CNTNAP4: variants seen among roughly 807,000 people sequenced by gnomAD.
CNTNAP4 encodes the protein contactin associated protein family member 4.
Under a neutral mutation model 148.4 loss-of-function variants are expected in CNTNAP4, and 98 were observed. The observed-to-expected ratio is 0.66, with a 90% CI of 0.56 to 0.78. The LOEUF (loss-of-function observed/expected upper bound fraction) is 0.78, where lower values mean the gene tolerates loss of function less well. CNTNAP4 is among the 30% of genes least tolerant of loss of function. CNTNAP4 has a pLI of 0.00. For missense variants in CNTNAP4, 1,935 were observed against 1,565.6 expected (o/e 1.24, Z -3.98); for synonymous variants, 730 against 565.1 (o/e 1.29, Z -4.14).
intron 9 of CNTNAP4, among the ~76,000 whole-genome samples, chr16:76,466,513 C>T (rs146312449): frequency 1.3e-5 from 2 of 151,972 alleles, no homozygotes; most frequent in African/African-American, 2.4e-5. Flanking sequence ...TCTCATATAC[C>T]CACATATACA....
chr16:76,546,151 A>T (rs1194400887), intron 21 of CNTNAP4, among the ~76,000 whole-genome samples: 3 of 152,238 alleles, frequency 2.0e-5, no homozygotes, highest in African/African-American at 7.2e-5. Flanking sequence ...CATCCATGTA[A>T]GGAAGAGAAA....
intron 4 of CNTNAP4, among the ~76,000 whole-genome samples, chr16:76,430,251 G>T (rs2079560818): frequency 6.6e-6 from 1 of 152,190 alleles, no homozygotes; most frequent in African/African-American, 2.4e-5. Flanking sequence ...TCCTAGTAAT[G>T]TAGGGAAGCA....
intron 2 of CNTNAP4, among the ~76,000 whole-genome samples, chr16:76,335,715 G>C (rs766488600): frequency 2.0e-5 from 3 of 152,176 alleles, no homozygotes; most frequent in Non-Finnish European, 4.4e-5. Context: ...TCATTCTGTT[G>C]CTGCCATGTG....
intron 3 of CNTNAP4, among the ~76,000 whole-genome samples, chr16:76,414,908 T>A (rs1293927922): frequency 1.3e-5 from 2 of 151,294 alleles, no homozygotes; most frequent in African/African-American, 4.8e-5. Flanking sequence ...CCCAGATCAA[T>A]CCTAACTAGG....
In CNTNAP4 at chr16:76,549,974, G is replaced by A. The variant is rs1044821784; in HGVS notation, c.3443-3309G>A. Among the ~76,000 whole-genome samples the A allele has an allele frequency of 1.3e-5, 2 of 152,190 alleles. 1 individual carries two copies. Among genetic ancestry groups the A allele is most frequent in the African/African-American group, 4.8e-5 (2 of 41,442 alleles). ...ATTGAAAGGGCTTATCATGTTCTAT[G>A]CAGAATACTGAGATAAGATACACAC... On this transcript the variant is annotated intron_variant, in intron 21 of 23. Transcript: ENST00000611870.
chr16:76,362,320 A>G (rs905813617), intron 3 of CNTNAP4, among the ~76,000 whole-genome samples: 2 of 152,208 alleles, frequency 1.3e-5, no homozygotes, highest in African/African-American at 2.4e-5. Flanking sequence ...TGAAATGTCT[A>G]TACTACTCAA....
At chr16:76,398,767 A>G (rs2078299789) in intron 3 of CNTNAP4, among the ~76,000 whole-genome samples, 1 of 152,104 alleles carries the variant, frequency 6.6e-6, no homozygotes, top group Non-Finnish European at 1.5e-5. Context: ...ACAAAGCGAT[A>G]TATTTTTTAT....
At chr16:76,461,453 G>A (rs1012454629) in intron 8 of CNTNAP4, among the ~76,000 whole-genome samples, 3 of 152,034 alleles carry the variant, frequency 2.0e-5, no homozygotes, top group African/African-American at 7.2e-5. Context: ...CATATACATG[G>A]CTTTTCACGG....
chr16:76,512,272 T>C (rs552372399), intron 15 of CNTNAP4, among the ~76,000 whole-genome samples: 2 of 152,236 alleles, frequency 1.3e-5, no homozygotes, highest in South Asian at 2.1e-4. Context: ...ACGAGTGATA[T>C]GATCTAACTC....
At chr16:76,491,068 A>G (rs538930826) in intron 13 of CNTNAP4, among the ~76,000 whole-genome samples, 30 of 152,230 alleles carry the variant, frequency 2.0e-4, no homozygotes, top group Non-Finnish European at 3.2e-4. Flanking sequence ...GTCTCTCTCT[A>G]TTTATTCTCC....
intron 3 of CNTNAP4, among the ~76,000 whole-genome samples, chr16:76,363,697 C>T (rs151221543): frequency 1.6e-3 from 247 of 152,264 alleles, no homozygotes; most frequent in Middle Eastern, 0.01. Context: ...AGTGAACAGG[C>T]ATCCTAAAGA....
intron 8 of CNTNAP4, among the ~76,000 whole-genome samples, chr16:76,455,899 C>G (rs1419301842): frequency 6.6e-6 from 1 of 152,152 alleles, no homozygotes; most frequent in African/African-American, 2.4e-5. Flanking sequence ...CAATTTAGGA[C>G]TGGAACTAGA....
intron 3 of CNTNAP4, among the ~76,000 whole-genome samples, chr16:76,407,573 G>A (rs1353532617): frequency 6.6e-6 from 1 of 152,050 alleles, no homozygotes; most frequent in African/African-American, 2.4e-5. Context: ...CTGCGGATGT[G>A]GTGAAAATAG....
intron 4 of CNTNAP4, among the ~76,000 whole-genome samples, chr16:76,429,349 C>T (rs917929693): frequency 5.3e-5 from 8 of 152,172 alleles, no homozygotes; most frequent in African/African-American, 1.9e-4. Flanking sequence ...CAGTTATATT[C>T]TCCACTTATT....
intron 3 of CNTNAP4, among the ~76,000 whole-genome samples, chr16:76,358,984 C>G (rs773371913): frequency 7.9e-5 from 12 of 152,120 alleles, no homozygotes; most frequent in Non-Finnish European, 1.6e-4. Context: ...CTAAAGGAAG[C>G]TCTCTGTGAA....
intron 23 of CNTNAP4, among the ~76,000 whole-genome samples, chr16:76,554,720 A>G (rs1007314298): frequency 1.3e-5 from 2 of 151,844 alleles, no homozygotes; most frequent in African/African-American, 4.8e-5. Flanking sequence ...TGCCAGGGAG[A>G]TACAATTTTA....
chr16:76,533,876 T>C (rs1303587006), intron 17 of CNTNAP4, among the ~76,000 whole-genome samples: 2 of 152,176 alleles, frequency 1.3e-5, no homozygotes, highest in Non-Finnish European at 2.9e-5. Context: ...TTGGCATCCT[T>C]CACTGAGGAG....
At chr16:76,427,135 G>C (rs554616701) in intron 3 of CNTNAP4, among the ~76,000 whole-genome samples, 1 of 152,242 alleles carries the variant, frequency 6.6e-6, no homozygotes, top group South Asian at 2.1e-4. Context: ...ACAATGTTAA[G>C]TGCTACAGAC....
chr16:76,300,847 C>G (rs909319166), intron 1 of CNTNAP4, among the ~76,000 whole-genome samples: 1 of 152,088 alleles, frequency 6.6e-6, no homozygotes, highest in Non-Finnish European at 1.5e-5. Flanking sequence ...GTACATTAGA[C>G]ACTATGACAT....
Sources: gnomAD v4.1 joint callset for allele counts (sites outside exome capture counted in the v4.1 genomes callset) on GRCh38, gnomAD v4.1.1 for gene constraint, MANE v1.5 for transcripts, NCBI Gene and HGNC (gene_info 2026-07-23, HGNC 2026-07-21) for gene names.